Variants in SLC25A13 observed in about 807,000 individuals in gnomAD.
SLC25A13 encodes the protein solute carrier family 25 member 13, also known as electrogenic aspartate/glutamate antiporter SLC25A13, mitochondrial.
In SLC25A13, 70 loss-of-function variants were observed where a neutral mutation model predicts 85.5. That is an observed-to-expected ratio of 0.82 (90% CI 0.68 to 1.00). The LOEUF is 1.00. Among genes scored for constraint, SLC25A13 ranks in the 50% least tolerant of loss-of-function variants. The pLI, the probability that SLC25A13 is intolerant of heterozygous loss-of-function variation, is 0.00. For missense variants in SLC25A13, 765 were observed against 819.8 expected (o/e 0.93, Z 0.82); for synonymous variants, 259 against 288.7 (o/e 0.90, Z 1.04).
intron 13 of SLC25A13, among the ~76,000 whole-genome samples, chr7:96,151,471 C>T (rs1171856360): frequency 2.0e-5 from 3 of 152,044 alleles, no homozygotes; most frequent in African/African-American, 4.8e-5. Flanking sequence ...GTGACGCACA[C>T]CTGTAATCCC....
At position 96,211,441 on chromosome 7, in the gene SLC25A13, T is replaced by C. The variant is rs1047061183; in HGVS notation, c.329-2464A>G. 2.0e-5 allele frequency among the ~76,000 whole-genome samples: 3 copies of C among 152,196 alleles called. No individual in the cohort carries two copies. In the South Asian group the frequency reaches 6.2e-4, roughly 31 times the overall value. Reference sequence around the variant, plus strand: ...ATCTCTCTATAAATCTTCTAGAGTATACTATACTAGATGTATATAAAAGAT... The same window carrying C: ...ATCTCTCTATAAATCTTCTAGAGTACACTATACTAGATGTATATAAAAGAT... On this transcript the variant is annotated intron_variant, in intron 4 of 17. Transcript: ENST00000265631.
At chr7:96,185,198 C>T (rs1229005898) in intron 9 of SLC25A13, among the ~76,000 whole-genome samples, 187 bp from the exon 10 acceptor site, 2 of 152,180 alleles carry the variant, frequency 1.3e-5, no homozygotes, top group African/African-American at 4.8e-5. Context: ...GATTTTAGTG[C>T]TATTAATGTT....
intron 13 of SLC25A13, among the ~76,000 whole-genome samples, chr7:96,165,929 T>G (rs925848557): frequency 2.6e-5 from 4 of 152,232 alleles, no homozygotes; most frequent in Non-Finnish European, 5.9e-5. Flanking sequence ...TAATAAAACC[T>G]TGCCTTAAAA....
intron 1 of SLC25A13, among the ~76,000 whole-genome samples, chr7:96,301,979 A>G (rs2117006053): frequency 6.6e-6 from 1 of 152,246 alleles, no homozygotes; most frequent in South Asian, 2.1e-4. Flanking sequence ...TTTCTTCCAT[A>G]AACTGGGAAA....
chr7:96,226,934 C>T (rs1796347360), intron 4 of SLC25A13, among the ~76,000 whole-genome samples: 1 of 152,120 alleles, frequency 6.6e-6, no homozygotes. Context: ...CCCTCCCATC[C>T]ACTATGGTAA....
chr7:96,143,446 G>A (rs73401099), intron 14 of SLC25A13, among the ~76,000 whole-genome samples: 8,802 of 152,214 alleles, frequency 0.058, 279 homozygotes, highest in Non-Finnish European at 0.075. Flanking sequence ...AGTAGACATT[G>A]CAGATTTGTT....
intron 1 of SLC25A13, among the ~76,000 whole-genome samples, chr7:96,308,875 A>G (rs766945572): frequency 3.3e-5 from 5 of 152,192 alleles, no homozygotes; most frequent in Non-Finnish European, 7.4e-5. Context: ...AAATAAACCA[A>G]TAGAAAATTG....
chr7:96,220,959 C>A (rs1246941394), intron 4 of SLC25A13, among the ~76,000 whole-genome samples: 1 of 152,188 alleles, frequency 6.6e-6, no homozygotes, highest in Non-Finnish European at 1.5e-5. Flanking sequence ...ATTCTTCCAC[C>A]TTCTCAACAG....
intron 3 of SLC25A13, among the ~76,000 whole-genome samples, chr7:96,274,989 T>C (rs190523107): frequency 0.011 from 1,648 of 152,282 alleles, 36 homozygotes; most frequent in African/African-American, 0.038. Context: ...CTTGGCAATG[T>C]GGGCTCTTTT....
At chr7:96,132,701 T>C (rs1315287084) in intron 14 of SLC25A13, among the ~76,000 whole-genome samples, 1 of 152,206 alleles carries the variant, frequency 6.6e-6, no homozygotes, top group Non-Finnish European at 1.5e-5. Context: ...TCATCACTTT[T>C]CAACATGTAA....
At chr7:96,293,084 A>G (rs1799191548) in intron 2 of SLC25A13, among the ~76,000 whole-genome samples, 1 of 152,240 alleles carries the variant, frequency 6.6e-6, no homozygotes, top group Admixed American at 6.5e-5. Context: ...AAACAGAGAC[A>G]TAGACCAATG....
chr7:96,264,711 T>C (rs918494945), intron 3 of SLC25A13, among the ~76,000 whole-genome samples: 1 of 151,870 alleles, frequency 6.6e-6, no homozygotes, highest in Admixed American at 6.6e-5. Context: ...AAAAGAACTA[T>C]ACCTTTTTTT....
chr7:96,134,950 CTT>C (rs1386495136), intron 14 of SLC25A13, among the ~76,000 whole-genome samples: 3 of 151,800 alleles, frequency 2.0e-5, no homozygotes, highest in Non-Finnish European at 4.4e-5. Context: ...TGCAAGAAGT[CTT>C]TGGTGTCTGA....
In SLC25A13 at chr7:96,175,287, A is replaced by G. The variant is rs1794176459; in HGVS notation, c.1178-3763T>C. Among the ~76,000 whole-genome samples, 3 of 152,244 alleles carry G rather than the reference A, an allele frequency of 2.0e-5. No homozygotes were observed. In the South Asian group the frequency reaches 6.2e-4, roughly 32 times the overall value. On this transcript the variant is annotated intron_variant, in intron 11 of 17. Coordinates refer to ENST00000265631, the MANE Select transcript of SLC25A13 (RefSeq NM_014251.3). ...GAAACAGTTGGTGTGCAAAGGCACC[A>G]ACATCTTAAGGCTATGGCATGGAGT...
chr7:96,190,553 ATATT>A (rs1175052926), intron 7 of SLC25A13, among the ~76,000 whole-genome samples: 1 of 152,168 alleles, frequency 6.6e-6, no homozygotes, highest in Non-Finnish European at 1.5e-5. Context: ...AGATTTGAAA[ATATT>A]TAAGAAACTT....
At chr7:96,306,711 C>G (rs946305698) in intron 1 of SLC25A13, 1 of 923,534 alleles carries the variant, frequency 1.1e-6, no homozygotes, top group Non-Finnish European at 1.7e-6. Flanking sequence ...GAGCTTAGTC[C>G]CATCCACTTC....
chr7:96,191,210 G>A lies in SLC25A13; in HGVS notation c.653C>T (p.Ser218Phe). 1.9e-6 allele frequency: 3 copies of A among 1,613,960 alleles called. No individual in the cohort carries two copies. The South Asian group carries it at 3.3e-5, about 18-fold the overall frequency. ...GAGCGAATTAAATCCATTAAAATAG[G>A]AGAAACTAACTTGATGGGATGTGGT... ...GGTTSHQVSF[S>F]YFNGFNSLLN... The change falls in exon 7 of 18, where the codon TCC becomes TTC. Residue 218 changes from serine (S) to phenylalanine (F), a missense_variant. Ser to Phe is a radical substitution (Grantham distance 155). Transcript: ENST00000265631.
chr7:96,127,917 C>A (rs967204672), intron 15 of SLC25A13, among the ~76,000 whole-genome samples: 2 of 152,176 alleles, frequency 1.3e-5, no homozygotes, highest in African/African-American at 4.8e-5. Context: ...TCTTGGCAAC[C>A]ACAAAGGGAA....
At chr7:96,207,457 G>A (rs1310857744) in intron 5 of SLC25A13, among the ~76,000 whole-genome samples, 1 of 152,086 alleles carries the variant, frequency 6.6e-6, no homozygotes, top group Admixed American at 6.5e-5. Context: ...ACACGAAAAA[G>A]CCAGGGGCAC....
Sources: allele counts gnomAD v4.1 joint callset (sites outside exome capture counted in the v4.1 genomes callset), GRCh38; gene constraint gnomAD v4.1.1; transcripts MANE v1.5; gene names NCBI Gene and HGNC (gene_info 2026-07-23, HGNC 2026-07-21).